Variants in CSGALNACT1 observed in about 807,000 individuals in gnomAD.
CSGALNACT1 encodes chondroitin sulfate N-acetylgalactosaminyltransferase 1.
A neutral mutation model predicts 51.0 loss-of-function variants in CSGALNACT1; 52 were observed. That is an observed-to-expected ratio of 1.02 (90% CI 0.82 to 1.29). The LOEUF (loss-of-function observed/expected upper bound fraction) is 1.29. Ranked by LOEUF, CSGALNACT1 falls within the 50% of genes most tolerant of loss-of-function variation. The pLI is 0.00. For missense variants in CSGALNACT1, 935 were observed against 679.2 expected (o/e 1.38, Z -4.19); for synonymous variants, 341 against 254.4 (o/e 1.34, Z -3.24).
At chr8:19,642,638 T>C (rs768469805) in intron 1 of CSGALNACT1, among the ~76,000 whole-genome samples, 24 of 151,768 alleles carry the variant, frequency 1.6e-4, no homozygotes, top group Non-Finnish European at 3.4e-4. Flanking sequence ...CAAAACTAGC[T>C]GGGCATGGTG....
intron 1 of CSGALNACT1, among the ~76,000 whole-genome samples, chr8:19,755,752 C>G (rs2065333224): frequency 6.6e-6 from 1 of 152,184 alleles, no homozygotes; most frequent in African/African-American, 2.4e-5. Context: ...GTCGGAGATT[C>G]TGCTTTAAAA....
intron 3 of CSGALNACT1, among the ~76,000 whole-genome samples, chr8:19,528,989 A>C (rs183283097): frequency 6.6e-6 from 1 of 152,304 alleles, no homozygotes; most frequent in Non-Finnish European, 1.5e-5. Context: ...TTTATTTATT[A>C]AACCAAATGG....
chr8:19,664,837 G>A (rs938235723), intron 1 of CSGALNACT1, among the ~76,000 whole-genome samples: 2 of 152,180 alleles, frequency 1.3e-5, no homozygotes, highest in African/African-American at 4.8e-5. Context: ...GCTAAATAAT[G>A]TATATACATG....
intron 1 of CSGALNACT1, among the ~76,000 whole-genome samples, chr8:19,658,801 A>T (rs1017277207): frequency 6.6e-6 from 1 of 152,172 alleles, no homozygotes; most frequent in Admixed American, 6.5e-5. Flanking sequence ...CCATATTTTC[A>T]TTAGCTATGA....
chr8:19,503,520 G>A (rs2076771324), intron 4 of CSGALNACT1, among the ~76,000 whole-genome samples: 1 of 152,012 alleles, frequency 6.6e-6, no homozygotes, highest in African/African-American at 2.4e-5. Context: ...AAACTGCTCT[G>A]TATGTGGGCA....
chr8:19,497,217 T>G (rs544241427), intron 4 of CSGALNACT1, among the ~76,000 whole-genome samples: 92 of 152,274 alleles, frequency 6.0e-4, no homozygotes, highest in African/African-American at 2.0e-3. Context: ...GCTGGTAAGC[T>G]GTGAATAACA....
chr8:19,655,650 T>A (rs564224123), intron 1 of CSGALNACT1, among the ~76,000 whole-genome samples: 33 of 152,202 alleles, frequency 2.2e-4, no homozygotes, highest in African/African-American at 7.5e-4. Context: ...CAAACTCCTG[T>A]CCTCAAGTGA....
At chr8:19,600,441 A>T (rs865958632) in intron 2 of CSGALNACT1, among the ~76,000 whole-genome samples, 3 of 152,258 alleles carry the variant, frequency 2.0e-5, no homozygotes, top group African/African-American at 2.4e-5. Context: ...AGGTCTTACT[A>T]ATTATGGTCT....
chr8:19,660,207 G>T (rs932470289), intron 1 of CSGALNACT1, among the ~76,000 whole-genome samples: 2 of 152,144 alleles, frequency 1.3e-5, no homozygotes, highest in African/African-American at 4.8e-5. Context: ...CATATATCCT[G>T]CCATGGGATC....
rs1554751495 is a variant in CSGALNACT1 at position 19,599,520 on chromosome 8, G to GAAAGAAAGA, written c.-416+2250_-416+2251insTCTTTCTTT. Among the ~76,000 whole-genome samples, 241 of 127,190 alleles carry GAAAGAAAGA rather than the reference G, an allele frequency of 1.9e-3. 1 individual carries two copies. The highest frequency in any genetic ancestry group is 6.3e-3 in the African/African-American group (218 of 34,374). 83.4% of individuals were successfully genotyped at this position (127,190 alleles called of 152,430 possible). On this transcript the variant is annotated intron_variant, in intron 2 of 9. Transcript: ENST00000454498. ...AGAAAGAAAGAAAGAAAGAAAGAAA[G>GAAAGAAAGA]AAAGAAAAGAAAGAAAAAGAAGGAA...
At chr8:19,443,186 C>T (rs936461137) in intron 5 of CSGALNACT1, among the ~76,000 whole-genome samples, 1 of 152,168 alleles carries the variant, frequency 6.6e-6, no homozygotes, top group African/African-American at 2.4e-5. Context: ...CAGTGGCTAA[C>T]CTGGGAAGGT....
intron 4 of CSGALNACT1, among the ~76,000 whole-genome samples, chr8:19,503,330 T>G (rs2076735854): frequency 6.6e-6 from 1 of 152,220 alleles, no homozygotes; most frequent in South Asian, 2.1e-4. Context: ...CAGCCAAGCC[T>G]CAGAGCAAAT....
At chr8:19,468,793 G>A (rs112899219) in intron 4 of CSGALNACT1, among the ~76,000 whole-genome samples, 12 of 152,262 alleles carry the variant, frequency 7.9e-5, no homozygotes, top group African/African-American at 1.9e-4. Flanking sequence ...GAAGCTTGGC[G>A]GGCAAGCCTT....
chr8:19,730,249 A>T (rs184734110), intron 1 of CSGALNACT1, among the ~76,000 whole-genome samples: 181 of 152,312 alleles, frequency 1.2e-3, no homozygotes, highest in African/African-American at 4.1e-3. Context: ...CAGAATGCTC[A>T]GAACCAACCA....
intron 5 of CSGALNACT1, chr8:19,457,698 A>C: frequency 7.6e-7 from 1 of 1,322,212 alleles, no homozygotes; most frequent in Non-Finnish European, 9.9e-7. Context: ...CAAGCTGGTG[A>C]AATCACTTAG....
At chr8:19,457,964 A>G (rs2064473411) in intron 5 of CSGALNACT1, 1 of 482,396 alleles carries the variant, frequency 2.1e-6, no homozygotes, top group Non-Finnish European at 3.7e-6. Flanking sequence ...AGCCACCACT[A>G]GAACAGGACA....
At chr8:19,695,816 G>A (rs1009732827) in intron 1 of CSGALNACT1, among the ~76,000 whole-genome samples, 1 of 152,128 alleles carries the variant, frequency 6.6e-6, no homozygotes, top group African/African-American at 2.4e-5. Context: ...CTTCAGCGCA[G>A]GAGATTTTGT....
chr8:19,547,706 A>G (rs2086814465), intron 3 of CSGALNACT1, among the ~76,000 whole-genome samples: 1 of 152,230 alleles, frequency 6.6e-6, no homozygotes, highest in African/African-American at 2.4e-5. Flanking sequence ...ACCGTAGAAT[A>G]CAATAAAGTA....
chr8:19,563,638 G>C (rs1002882214), intron 3 of CSGALNACT1, among the ~76,000 whole-genome samples: 1 of 151,974 alleles, frequency 6.6e-6, no homozygotes, highest in African/African-American at 2.4e-5. Flanking sequence ...CCTTACTTCA[G>C]TTACTCATTC....
Sources: allele counts gnomAD v4.1 joint callset (sites outside exome capture counted in the v4.1 genomes callset), GRCh38; gene constraint gnomAD v4.1.1; transcripts MANE v1.5; gene names NCBI Gene and HGNC (gene_info 2026-07-23, HGNC 2026-07-21).